CNGA3: variants seen among roughly 807,000 people sequenced by gnomAD.
CNGA3 encodes the protein cyclic nucleotide-gated channel alpha-3.
CNGA3 carries 42 observed loss-of-function variants against 46.6 expected under a neutral mutation model. That is an observed-to-expected ratio of 0.90 (90% CI 0.70 to 1.17). The LOEUF (loss-of-function observed/expected upper bound fraction) is 1.17. Among genes scored for constraint, CNGA3 ranks in the 50% most tolerant of loss-of-function variants. CNGA3 has a pLI of 0.00. For missense variants in CNGA3, 893 were observed against 890.7 expected, an observed-to-expected ratio of 1.00 and a Z score of -0.03; for synonymous variants, 394 against 369.4, an observed-to-expected ratio of 1.07 and a Z score of -0.76.
chr2:98,378,073 GA>G, intron 3 of CNGA3: 3 of 1,550,710 alleles, frequency 1.9e-6, no homozygotes, highest in Non-Finnish European at 2.6e-6. Context: ...GAAGAATTCA[GA>G]AAAAAAGCCA....
At chr2:98,355,697 A>G (rs1691865113) in intron 1 of CNGA3, 2 of 152,248 alleles carry the variant, frequency 1.3e-5, no homozygotes, top group Admixed American at 6.5e-5. Flanking sequence ...GTTATCAAAT[A>G]CTTTTAAATA....
intron 2 of CNGA3, among the ~76,000 whole-genome samples, chr2:98,374,498 T>C (rs544701520): frequency 5.3e-5 from 8 of 152,316 alleles, no homozygotes; most frequent in Middle Eastern, 3.4e-3. Flanking sequence ...CCCCAGGCCC[T>C]TCCACCAGCC....
At chr2:98,392,560 CAAAAAAAGAAA>C (rs1399394554) in intron 7 of CNGA3, among the ~76,000 whole-genome samples, 2 of 120,872 alleles carry the variant, frequency 1.7e-5, no homozygotes, top group Admixed American at 1.8e-4. Context: ...CATTCTGTCT[CAAAAAAAGAAA>C]AAAAAAAGAA....
intron 1 of CNGA3, among the ~76,000 whole-genome samples, chr2:98,366,363 C>T (rs529587382): frequency 4.6e-5 from 7 of 152,326 alleles, no homozygotes; most frequent in Admixed American, 6.5e-5. Flanking sequence ...TGAGGGGTCT[C>T]ACCCAGTCAG....
chr2:98,373,237 A>C (rs3769754), intron 2 of CNGA3, among the ~76,000 whole-genome samples: 69,011 of 151,992 alleles, frequency 0.45, 15,739 homozygotes, highest in Admixed American at 0.51. Flanking sequence ...CAAAGGACTC[A>C]GGCACATACC....
At position 98,396,020 on chromosome 2, in the gene CNGA3, C is replaced by A; in HGVS notation, c.850C>A (p.Leu284Ile). 1 of 1,614,212 alleles carries A rather than the reference C, an allele frequency of 6.2e-7. No homozygotes were observed. Residue 284 changes from leucine to isoleucine, a missense_variant, in exon 8 of 8, where the codon CTC becomes ATC. Physicochemically the swap from Leu to Ile is conservative, Grantham distance 5. Around this residue, in one of 3 missense-constraint regions of CNGA3, gnomAD observed 548 missense variants for 570.8 expected, o/e 0.96. Transcript: ENST00000272602. Reference protein sequence around the residue: ...RFNRLLKFSRLFEFFDRTETR... With the variant: ...RFNRLLKFSRIFEFFDRTETR... ...CAACCGCCTACTGAAGTTTTCCCGGCTCTTTGAATTCTTTGACCGCACAGA... is the reference window on the plus strand; with the variant it reads ...CAACCGCCTACTGAAGTTTTCCCGGATCTTTGAATTCTTTGACCGCACAGA...
chr2:98,377,542 A>C (rs923167163), intron 2 of CNGA3, 145 bp from the exon 3 acceptor site: 54 of 752,044 alleles, frequency 7.2e-5, no homozygotes, highest in Non-Finnish European at 1.2e-4. Flanking sequence ...CAGGAGGCAA[A>C]GGGAAGTGGG....
At chr2:98,377,512 C>T in intron 2 of CNGA3, 175 bp from the exon 3 acceptor site, 1 of 653,346 alleles carries the variant, frequency 1.5e-6, no homozygotes, top group Non-Finnish European at 2.7e-6. Flanking sequence ...ACGTTTATAC[C>T]AAAATCCAGA....
At chr2:98,372,583 C>T (rs1692312341) in intron 2 of CNGA3, among the ~76,000 whole-genome samples, 1 of 152,202 alleles carries the variant, frequency 6.6e-6, no homozygotes, top group Non-Finnish European at 1.5e-5. Flanking sequence ...GACACTGGCT[C>T]TGCAACTGAC....
At chr2:98,390,140 T>C (rs1692751420) in intron 6 of CNGA3, among the ~76,000 whole-genome samples, 1 of 151,566 alleles carries the variant, frequency 6.6e-6, no homozygotes, top group East Asian at 1.9e-4. Flanking sequence ...TACTATTTTT[T>C]TCTTTTTTTT....
rs1206212149 is a variant in CNGA3, at chr2:98,397,729, A to G, written c.*474A>G. Reference sequence around the variant, plus strand: ...TGACTAAAATTCAGACTTACACAAGACAGTTTGAGGCATATTTCTTAATCT... The same window carrying G: ...TGACTAAAATTCAGACTTACACAAGGCAGTTTGAGGCATATTTCTTAATCT... On this transcript the variant is annotated 3_prime_UTR_variant, in exon 8 of 8. Transcript: ENST00000272602. 5.1e-6 allele frequency: 1 copy of G among 194,680 alleles called. No homozygotes were observed. Among genetic ancestry groups the G allele is most frequent in the Non-Finnish European group, 1.1e-5 (1 of 93,320 alleles). The allele number at this position is 194,680 out of a possible 1,614,324, so 12.1% of individuals were successfully genotyped here.
At chr2:98,346,948 G>T (rs1574352553) in intron 1 of CNGA3, 1 of 152,510 alleles carries the variant, frequency 6.6e-6, no homozygotes, top group East Asian at 1.9e-4. Flanking sequence ...TTGCAGCCGC[G>T]ACCCCACCCC....
intron 1 of CNGA3, among the ~76,000 whole-genome samples, chr2:98,360,788 G>A (rs1204845519): frequency 6.6e-6 from 1 of 152,062 alleles, no homozygotes; most frequent in Non-Finnish European, 1.5e-5. Flanking sequence ...GACCTCACAC[G>A]TTCTTTGGAA....
At chr2:98,368,083 A>C (rs2104169733) in intron 1 of CNGA3, among the ~76,000 whole-genome samples, 1 of 152,390 alleles carries the variant, frequency 6.6e-6, no homozygotes, top group Middle Eastern at 3.4e-3. Flanking sequence ...AAGTGAATAA[A>C]GTGTTTAAAA....
intron 7 of CNGA3, among the ~76,000 whole-genome samples, chr2:98,394,151 C>A (rs575576674): frequency 7.2e-5 from 11 of 152,026 alleles, no homozygotes; most frequent in Non-Finnish European, 1.2e-4. Flanking sequence ...ATGCTCACCG[C>A]AATTTTAAAA....
intron 2 of CNGA3, among the ~76,000 whole-genome samples, chr2:98,371,279 A>G (rs943032286): frequency 2.0e-5 from 3 of 152,188 alleles, no homozygotes; most frequent in African/African-American, 7.2e-5. Flanking sequence ...AAAATGCAGT[A>G]ACATCCCTCA....
rs145796117 is a variant in CNGA3 at position 98,395,800 on chromosome 2, A to G, written c.674-44A>G. ...GTTTCTTTGTACTATGGTCAAAAAA[A>G]GTCAGCCTCTGTGATGCCCAATGAC... On this transcript the variant is annotated intron_variant, in intron 7 of 7. Transcript: ENST00000272602. 1.9e-6 allele frequency: 3 copies of G among 1,565,372 alleles called. No homozygotes were observed. The African/African-American group carries it at 4.0e-5, about 21-fold the overall frequency.
chr2:98,380,476 GT>G, intron 4 of CNGA3, 122 bp downstream of exon 4: 1 of 1,247,466 alleles, frequency 8.0e-7, no homozygotes, highest in Non-Finnish European at 1.1e-6. Flanking sequence ...CCCATGAGCT[GT>G]TCCTTGAAGA....
At chr2:98,355,431 C>G (rs1171236998) in intron 1 of CNGA3, among the ~76,000 whole-genome samples, 2 of 152,198 alleles carry the variant, frequency 1.3e-5, no homozygotes, top group East Asian at 3.9e-4. Context: ...GTAATATTTG[C>G]ATATAGTGTT....
Sources: allele counts gnomAD v4.1 joint callset (sites outside exome capture counted in the v4.1 genomes callset), GRCh38; gene constraint gnomAD v4.1.1; regional missense constraint gnomAD v4.1.1; transcripts MANE v1.5; gene names NCBI Gene and HGNC (gene_info 2026-07-23, HGNC 2026-07-21).